Variants in UTP25 observed in about 807,000 individuals in gnomAD.
The protein encoded by UTP25 is UTP25 small subunit processome component, also known as U3 small nucleolar RNA-associated protein 25 homolog.
In UTP25, 50 loss-of-function variants were observed where a neutral mutation model predicts 78.9. The ratio of observed to expected loss-of-function variants is 0.63; its 90% CI spans 0.50 to 0.80. The LOEUF (loss-of-function observed/expected upper bound fraction) is 0.80. Ranked by LOEUF, UTP25 falls within the 30% of genes least tolerant of loss-of-function variation. UTP25 has a pLI of 0.00. For synonymous variants in UTP25, 329 were observed against 336.5 expected (o/e 0.98, Z 0.24); for missense variants, 846 against 911.3 (o/e 0.93, Z 0.92).
intron 11 of UTP25, among the ~76,000 whole-genome samples, chr1:209,850,516 T>C (rs1393003497): frequency 6.6e-6 from 1 of 152,240 alleles, no homozygotes; most frequent in Non-Finnish European, 1.5e-5. Flanking sequence ...TGTTATGGAA[T>C]CCCACAGGGG....
intron 1 of UTP25, among the ~76,000 whole-genome samples, chr1:209,828,768 T>C (rs2078085701): frequency 7.4e-6 from 1 of 135,324 alleles, no homozygotes; most frequent in East Asian, 2.2e-4. Context: ...TATATATATG[T>C]ATATATATAA....
intron 5 of UTP25, among the ~76,000 whole-genome samples, chr1:209,836,059 C>T (rs56071308): frequency 0.16 from 24,440 of 152,062 alleles, 2,295 homozygotes; most frequent in Non-Finnish European, 0.2. Flanking sequence ...ACCCCCATTT[C>T]TAACCCCTGG....
intron 11 of UTP25, chr1:209,843,978 T>A (rs2078181755): frequency 7.9e-6 from 3 of 382,070 alleles, no homozygotes; most frequent in East Asian, 4.9e-5. Flanking sequence ...AGAAGGACAT[T>A]ACAGGACAAC....
At chr1:209,829,406 C>T (rs2078090064) in intron 1 of UTP25, among the ~76,000 whole-genome samples, 1 of 152,092 alleles carries the variant, frequency 6.6e-6, no homozygotes. Context: ...TGTCTAGGTG[C>T]AGTTATGATC....
At chr1:209,836,698 G>A in intron 5 of UTP25, 103 bp from the exon 6 acceptor site, 1 of 1,258,492 alleles carries the variant, frequency 7.9e-7, no homozygotes, top group Non-Finnish European at 1.1e-6. Flanking sequence ...GATTAAATGA[G>A]ATGATCTATA....
At chr1:209,829,137 T>C (rs964207167) in intron 1 of UTP25, among the ~76,000 whole-genome samples, 23 of 152,224 alleles carry the variant, frequency 1.5e-4, no homozygotes, top group Admixed American at 9.2e-4. Flanking sequence ...TACAGTGTGA[T>C]ATTTTGATAA....
At chr1:209,830,499 CTAA>C (rs2078097109) in intron 2 of UTP25, among the ~76,000 whole-genome samples, 1 of 88,840 alleles carries the variant, frequency 1.1e-5, no homozygotes, top group Non-Finnish European at 2.4e-5. Context: ...TTACAACAAA[CTAA>C]AAAAAAAAAA....
chr1:209,828,512 C>T (rs1003272402), intron 1 of UTP25, among the ~76,000 whole-genome samples: 8 of 149,630 alleles, frequency 5.3e-5, no homozygotes, highest in East Asian at 4.0e-4. Context: ...AAGCGATGCT[C>T]CTGCCTCAGC....
At chr1:209,845,805 G>A (rs1483765941) in intron 11 of UTP25, among the ~76,000 whole-genome samples, 1 of 55,814 alleles carries the variant, frequency 1.8e-5, no homozygotes, top group Non-Finnish European at 3.2e-5. Flanking sequence ...GTGCCTTTGT[G>A]ATTTTTTTTT....
At chr1:209,850,199 C>T (rs2078223061) in intron 11 of UTP25, among the ~76,000 whole-genome samples, 1 of 152,144 alleles carries the variant, frequency 6.6e-6, no homozygotes, top group African/African-American at 2.4e-5. Context: ...ACATTCTAAG[C>T]AGAAGTAGAA....
At chr1:209,833,804 C>T (rs2078116905) in intron 4 of UTP25, among the ~76,000 whole-genome samples, 1 of 152,194 alleles carries the variant, frequency 6.6e-6, no homozygotes. Context: ...AAAAGCCCTA[C>T]CCTGTGTCTC....
intron 10 of UTP25, chr1:209,843,000 G>T: frequency 2.7e-6 from 1 of 368,110 alleles, no homozygotes; most frequent in Non-Finnish European, 4.9e-6. Context: ...ATGTCAGCAA[G>T]TTAATTGTAA....
intron 11 of UTP25, among the ~76,000 whole-genome samples, chr1:209,847,752 T>C (rs2078207182): frequency 6.6e-6 from 1 of 152,240 alleles, no homozygotes; most frequent in Non-Finnish European, 1.5e-5. Context: ...TGGCAATATC[T>C]GGAGACATTT....
chr1:209,835,408 A>G (rs2078127681), intron 5 of UTP25, among the ~76,000 whole-genome samples: 1 of 152,216 alleles, frequency 6.6e-6, no homozygotes, highest in Non-Finnish European at 1.5e-5. Context: ...TTTGGAGACC[A>G]ACATCTTCAA....
intron 4 of UTP25, among the ~76,000 whole-genome samples, chr1:209,834,569 A>T (rs955191004): frequency 3.8e-5 from 5 of 129,912 alleles, no homozygotes; most frequent in Non-Finnish European, 6.8e-5. Context: ...GGTTGGGCAG[A>T]GTAGGAGACT....
chr1:209,842,689 A>T lies in UTP25; in HGVS notation c.1775A>T (p.Asp592Val), dbSNP rs1325633213. 1 of 1,610,280 alleles carries T rather than the reference A, an allele frequency of 6.2e-7. No individual in the cohort carries two copies. The highest frequency in any genetic ancestry group is 8.5e-7 in the Non-Finnish European group (1 of 1,178,484). Residue 592 changes from aspartate (D) to valine (V), a missense_variant, in exon 10 of 12, where the codon GAT becomes GTT. Physicochemically the swap from Asp to Val is radical, Grantham distance 152. Coordinates refer to ENST00000491415, the MANE Select transcript of UTP25 (RefSeq NM_014388.7). Reference protein sequence around the residue: ...MEAENLASVIDARFNFFVNKI... With the variant: ...MEAENLASVIVARFNFFVNKI... ...GCTGAAAACCTAGCTTCAGTGATTG[A>T]TGCCAGGTAACCCACTCCTCCCAGC...
At chr1:209,836,704 C>A (rs1572002192) in intron 5 of UTP25, 97 bp from the exon 6 acceptor site, 1 of 1,307,320 alleles carries the variant, frequency 7.6e-7, no homozygotes, top group Non-Finnish European at 1.1e-6. Flanking sequence ...ATGAGATGAT[C>A]TATAAATCAT....
intron 6 of UTP25, chr1:209,838,678 C>T: frequency 1.7e-6 from 1 of 579,254 alleles, no homozygotes; most frequent in Non-Finnish European, 3.1e-6. Context: ...AGAAATGTCT[C>T]ACGTGGACTG....
At position 209,828,001 on chromosome 1, in the gene UTP25, A is replaced by C; in HGVS notation, c.-63A>C. The C allele has an allele frequency of 7.5e-7, 1 of 1,328,154 alleles. No individual in the cohort carries two copies. Among genetic ancestry groups the C allele is most frequent in the Non-Finnish European group, 1.1e-6 (1 of 919,844 alleles). The allele number at this position is 1,328,154 out of a possible 1,614,324, so 82.3% of individuals were successfully genotyped here. A position where few individuals can be genotyped will look rare whatever the true frequency, so the allele number is the denominator to read the frequency against. ...TCAGCGAGCCCACGTGCTTGTGTTG[A>C]CTGGACAACTTCCTGGTGGAAAACC... On this transcript the variant is annotated 5_prime_UTR_variant, in exon 1 of 12. Coordinates refer to ENST00000491415, the MANE Select transcript of UTP25 (RefSeq NM_014388.7).
Sources: gnomAD v4.1 joint callset for allele counts (sites outside exome capture counted in the v4.1 genomes callset) on GRCh38, gnomAD v4.1.1 for gene constraint, MANE v1.5 for transcripts, NCBI Gene and HGNC (gene_info 2026-07-23, HGNC 2026-07-21) for gene names.